The following ZGLP1 variants were observed in gnomAD, a reference collection of about 807,000 sequenced individuals.
The protein encoded by ZGLP1 is GATA-type zinc finger protein 1.
In ZGLP1, 11 loss-of-function variants were observed where a neutral mutation model predicts 21.4. The ratio of observed to expected loss-of-function variants is 0.51; its 90% CI spans 0.32 to 0.85. The LOEUF (loss-of-function observed/expected upper bound fraction) is 0.85, where lower values mean the gene tolerates loss of function less well. Among genes scored for constraint, ZGLP1 ranks in the 40% least tolerant of loss-of-function variants. ZGLP1 has a pLI of 0.03. For missense variants in ZGLP1, 295 were observed against 355.6 expected (o/e 0.83, Z 1.37); for synonymous variants, 148 against 145.0 (o/e 1.02, Z -0.15).
intron 1 of ZGLP1, among the ~76,000 whole-genome samples, chr19:10,307,824 C>T (rs1171750865): frequency 6.6e-6 from 1 of 152,226 alleles, no homozygotes; most frequent in Non-Finnish European, 1.5e-5. Flanking sequence ...CCTCCCCAGG[C>T]TTTTGAATGA....
chr19:10,305,301 T>A lies in ZGLP1; in HGVS notation c.698+89A>T. ...CCACTTTTCCCAAGAGGTAGGTGTT[T>A]TGCTTTTTGCTTTCCCCACAGGCCA... is the stretch of plus-strand genomic sequence containing the variant. On this transcript the variant is annotated intron_variant, in intron 3 of 3. Transcript: ENST00000403903. This position sits in a 1 kb window ranked among gnomAD's most constrained non-coding sequence, Gnocchi z 4.7. 6.5e-7 allele frequency: 1 copy of A among 1,548,940 alleles called. No individual in the cohort carries two copies. The highest frequency in any genetic ancestry group is 8.8e-7 in the Non-Finnish European group (1 of 1,133,592).
At chr19:10,307,920 C>A (rs2040288644) in intron 1 of ZGLP1, among the ~76,000 whole-genome samples, 1 of 152,230 alleles carries the variant, frequency 6.6e-6, no homozygotes. Context: ...TGGGAAAAAT[C>A]ACCGCAGCCG....
At chr19:10,307,421 C>T (rs2040285716) in intron 1 of ZGLP1, among the ~76,000 whole-genome samples, 1 of 149,950 alleles carries the variant, frequency 6.7e-6, no homozygotes, top group Non-Finnish European at 1.5e-5. Flanking sequence ...GCCATCTCTG[C>T]TCAGTGCAAC....
intron 1 of ZGLP1, among the ~76,000 whole-genome samples, chr19:10,306,301 C>T (rs1417368514): frequency 2.6e-5 from 4 of 151,834 alleles, no homozygotes; most frequent in East Asian, 1.9e-4. Context: ...TTAGTACAGA[C>T]GGGGTTTCAC....
chr19:10,309,261 C>T (rs2040298692), exon 1 of ZGLP1: 1 of 152,728 alleles, frequency 6.5e-6, no homozygotes, highest in Non-Finnish European at 1.5e-5. Context: ...TCGATAACCC[C>T]AGCAAAGAGA....
chr19:10,305,037 C>T lies in ZGLP1; in HGVS notation c.*54G>A. On this transcript the variant is annotated 3_prime_UTR_variant, in exon 4 of 4. Transcript: ENST00000403903. The surrounding 1 kb of genome is among the most constrained non-coding windows in gnomAD (Gnocchi z 4.7). ...CCTAGGAGAGCTGCTTCTGCCCATT[C>T]TCCCACTGGTGAAACGGAGGCAGAA... is the stretch of plus-strand genomic sequence containing the variant. 7.3e-7 allele frequency: 1 copy of T among 1,378,196 alleles called. No individual in the cohort carries two copies. Among genetic ancestry groups the T allele is most frequent in the Non-Finnish European group, 1.0e-6 (1 of 968,222 alleles). 85.4% of individuals were successfully genotyped at this position (1,378,196 alleles called of 1,614,324 possible). A position where few individuals can be genotyped will look rare whatever the true frequency, so the allele number is the denominator to read the frequency against.
chr19:10,306,037 G>C, intron 1 of ZGLP1, 85 bp from the exon 3 acceptor site: 3 of 993,338 alleles, frequency 3.0e-6, no homozygotes, highest in Non-Finnish European at 4.4e-6. Context: ...TAGTATCAAG[G>C]TATCAGCCAT....
rs376777565 is a variant in ZGLP1, at chr19:10,308,470, G to A, written c.212C>T (p.Pro71Leu). ...CCCCAGGACCGGGGTGTCCTGGGCA[G>A]GGGACTGACCCAGCCTCTCCACTGT... Residue 71 changes from proline (P) to leucine (L), a missense_variant, in exon 1 of 4, where the codon CCT (proline) becomes CTT (leucine). Pro to Leu is a moderately conservative substitution (Grantham distance 98). Transcript: ENST00000403903. The A allele has an allele frequency of 3.5e-4, 568 of 1,611,568 alleles. No individual in the cohort carries two copies. The highest frequency in any genetic ancestry group is 4.5e-4 in the Non-Finnish European group (533 of 1,179,002).
chr19:10,305,957 G>A lies in ZGLP1; in HGVS notation c.498-5C>T. The stretch of plus-strand genomic sequence containing the variant: ...GAACGGCTACTGCAGGGCAGGCTGT[G>A]GGGCAGACAAGGTATTAGCACTGGG... On this transcript the variant is annotated splice_region_variant and splice_polypyrimidine_tract_variant and intron_variant, in intron 1 of 3. Transcript: ENST00000403903. The surrounding 1 kb of genome is among the most constrained non-coding windows in gnomAD (Gnocchi z 4.7). 6.4e-7 allele frequency: 1 copy of A among 1,552,968 alleles called. No individual in the cohort carries two copies. Among genetic ancestry groups the A allele is most frequent in the Non-Finnish European group, 8.7e-7 (1 of 1,146,804 alleles).
At chr19:10,307,496 C>T (rs2040286131) in intron 1 of ZGLP1, among the ~76,000 whole-genome samples, 1 of 151,240 alleles carries the variant, frequency 6.6e-6, no homozygotes. Flanking sequence ...ATTACAGGTG[C>T]CCATTACCAT....
In ZGLP1 at chr19:10,305,031, C is replaced by T; in HGVS notation, c.*60G>A. 1 of 1,318,470 alleles carries T rather than the reference C, an allele frequency of 7.6e-7. No individual in the cohort carries two copies. The highest frequency in any genetic ancestry group is 1.1e-6 in the Non-Finnish European group (1 of 915,124). 81.7% of individuals were successfully genotyped at this position (1,318,470 alleles called of 1,614,324 possible). ...AATCCTCCTAGGAGAGCTGCTTCTGCCCATTCTCCCACTGGTGAAACGGAG... is the reference window on the plus strand; with the variant it reads ...AATCCTCCTAGGAGAGCTGCTTCTGTCCATTCTCCCACTGGTGAAACGGAG... On this transcript the variant is annotated 3_prime_UTR_variant, in exon 4 of 4. Transcript: ENST00000403903. The surrounding 1 kb of genome is among the most constrained non-coding windows in gnomAD (Gnocchi z 4.7).
Position 10,305,570 on chromosome 19 carries a change from G to T in ZGLP1, c.605-87C>A, listed in dbSNP as rs923394049. ...GTGCGGAGTCGGGCATTTTGTGGGG[G>T]TCTCAGTAAAGGCCCCACCTAGCTC... On this transcript the variant is annotated intron_variant, in intron 2 of 3. Coordinates refer to ENST00000403903, the Ensembl canonical transcript of ZGLP1. The surrounding 1 kb of genome is among the most constrained non-coding windows in gnomAD (Gnocchi z 4.7). 5 of 1,226,192 alleles carry T rather than the reference G, an allele frequency of 4.1e-6. No homozygotes were observed. Among genetic ancestry groups the T allele is most frequent in the Admixed American group, 2.0e-5 (1 of 49,542 alleles). 76.0% of individuals were successfully genotyped at this position (1,226,192 alleles called of 1,614,324 possible).
Position 10,305,266 on chromosome 19 carries a change from C to G in ZGLP1, c.699-58G>C. 6.3e-7 allele frequency: 1 copy of G among 1,584,810 alleles called. No individual in the cohort carries two copies. The highest frequency in any genetic ancestry group is 1.7e-4 in the Middle Eastern group (1 of 5,986). On this transcript the variant is annotated intron_variant, in intron 3 of 3. Transcript: ENST00000403903. The surrounding 1 kb of genome is among the most constrained non-coding windows in gnomAD (Gnocchi z 4.7). ...GATGCAGTGGGGGCCCGGAAACCGC[C>G]ACAAGGAAACCACTTTTCCCAAGAG...
At chr19:10,308,068 T>G in intron 1 of ZGLP1, 117 bp downstream of exon 2, 6 of 1,390,842 alleles carry the variant, frequency 4.3e-6, no homozygotes, top group Non-Finnish European at 4.8e-6. Context: ...CTGGGCCACG[T>G]GTAACGTAGA....
intron 1 of ZGLP1, among the ~76,000 whole-genome samples, chr19:10,307,131 C>T (rs2040283797): frequency 6.9e-6 from 1 of 145,574 alleles, no homozygotes; most frequent in South Asian, 2.2e-4. Context: ...GCAACTCCAT[C>T]TCAAAAAAAA....
Position 10,308,347 on chromosome 19 carries a change from C to A in ZGLP1, c.335G>T (p.Arg112Leu), listed in dbSNP as rs146292088. The change falls in exon 1 of 4, where the codon CGT becomes CTT. Residue 112 changes from arginine to leucine, a missense_variant. Physicochemically the swap from Arg to Leu is moderately radical, Grantham distance 102 (BLOSUM62 -2). Coordinates refer to ENST00000403903, the Ensembl canonical transcript of ZGLP1. ...CGAGGGAGTCCCCGGGGGCTGCAGA[C>A]GGCGGCCCTTTTGGCTGATCCTGGT... The A allele has an allele frequency of 3.4e-5, 55 of 1,608,576 alleles. No homozygotes were observed. The highest frequency in any genetic ancestry group is 4.5e-5 in the Non-Finnish European group (53 of 1,177,894).
In ZGLP1 at chr19:10,305,737, G is replaced by T; in HGVS notation, c.604+109C>A. ...GGGGGTGCTGCGACTCCTCCCTGAG[G>T]GCTCTAAATGGGGAAGCAAGATGGA... On this transcript the variant is annotated intron_variant, in intron 2 of 3. Transcript: ENST00000403903. This position sits in a 1 kb window ranked among gnomAD's most constrained non-coding sequence, Gnocchi z 4.7. 1 of 939,286 alleles carries T rather than the reference G, an allele frequency of 1.1e-6. No homozygotes were observed. The highest frequency in any genetic ancestry group is 1.7e-6 in the Non-Finnish European group (1 of 596,438). The allele number at this position is 939,286 out of a possible 1,614,324, so 58.2% of individuals were successfully genotyped here. A position where few individuals can be genotyped will look rare whatever the true frequency, so the allele number is the denominator to read the frequency against.
exon 1 of ZGLP1, chr19:10,308,592 C>G (rs201628300): frequency 6.3e-7 from 1 of 1,575,602 alleles, no homozygotes; most frequent in Non-Finnish European, 8.6e-7. Context: ...TTGGGTGACT[C>G]CTGGGTTTAG....
chr19:10,308,283 G>A (rs1337652553), exon 1 of ZGLP1: 7 of 1,608,564 alleles, frequency 4.4e-6, no homozygotes, highest in Non-Finnish European at 5.9e-6. Flanking sequence ...TGCCCCGGCA[G>A]GGGTTCAGCT....
Sources: gnomAD v4.1 joint callset for allele counts (sites outside exome capture counted in the v4.1 genomes callset) on GRCh38, gnomAD v4.1.1 for gene constraint, Gnocchi (gnomAD v3.1) non-coding constraint, MANE v1.5 for transcripts, NCBI Gene and HGNC (gene_info 2026-07-23, HGNC 2026-07-21) for gene names.